NALF1: variants seen among roughly 807,000 people sequenced by gnomAD.
NALF1 encodes NALCN channel auxiliary factor 1.
NALF1 carries 3 observed loss-of-function variants against 48.4 expected under a neutral mutation model. That is an observed-to-expected ratio of 0.06 (90% CI 0.03 to 0.16). The LOEUF is 0.16. Ranked by LOEUF, NALF1 falls within the 10% of genes least tolerant of loss-of-function variation. NALF1 has a pLI of 1.00. For missense variants in NALF1, 526 were observed against 571.5 expected (o/e 0.92, Z 0.81); for synonymous variants, 262 against 245.7 (o/e 1.07, Z -0.62).
intron 1 of NALF1, among the ~76,000 whole-genome samples, chr13:107,838,830 G>C (rs923813108): frequency 6.6e-6 from 1 of 152,178 alleles, no homozygotes; most frequent in South Asian, 2.1e-4. Context: ...TGCAGAGTTC[G>C]GGGATGTTTT....
chr13:107,842,070 T>C (rs1369214241), intron 1 of NALF1, among the ~76,000 whole-genome samples: 1 of 152,036 alleles, frequency 6.6e-6, no homozygotes, highest in Admixed American at 6.6e-5. Flanking sequence ...AAAATTTGAT[T>C]CCATTTAGAA....
intron 1 of NALF1, among the ~76,000 whole-genome samples, chr13:107,326,375 T>C (rs1456945978): frequency 1.3e-5 from 2 of 152,126 alleles, no homozygotes; most frequent in Non-Finnish European, 2.9e-5. Context: ...CAGTCACAGG[T>C]ATTAGAGCGA....
chr13:107,211,862 C>CT (rs527771897), intron 1 of NALF1, among the ~76,000 whole-genome samples: 1 of 151,970 alleles, frequency 6.6e-6, no homozygotes, highest in Admixed American at 6.6e-5. Context: ...AAGCTGTAAA[C>CT]TTTTTTTTCC....
intron 2 of NALF1, 67 bp from the exon 3 acceptor site, chr13:107,170,853 T>C (rs1180324262): frequency 1.4e-6 from 2 of 1,463,148 alleles, no homozygotes; most frequent in African/African-American, 1.4e-5. Flanking sequence ...AGAGTGAAGC[T>C]GTTGCTTTAA....
chr13:107,726,133 A>C (rs1876142536), intron 1 of NALF1, among the ~76,000 whole-genome samples: 1 of 152,150 alleles, frequency 6.6e-6, no homozygotes, highest in Admixed American at 6.6e-5. Context: ...CTTAGTGATA[A>C]TTAATACAAA....
intron 2 of NALF1, among the ~76,000 whole-genome samples, chr13:107,202,104 T>G (rs1444582053): frequency 1.3e-5 from 2 of 152,186 alleles, no homozygotes; most frequent in African/African-American, 4.8e-5. Context: ...AACTTTTTAT[T>G]TTCAAGTTTT....
At chr13:107,328,643 C>T (rs551364020) in intron 1 of NALF1, among the ~76,000 whole-genome samples, 1 of 152,144 alleles carries the variant, frequency 6.6e-6, no homozygotes, top group Non-Finnish European at 1.5e-5. Context: ...ATGAATAGTA[C>T]AATGCCTCAA....
At chr13:107,432,310 C>T (rs1396816647) in intron 1 of NALF1, among the ~76,000 whole-genome samples, 3 of 152,184 alleles carry the variant, frequency 2.0e-5, no homozygotes, top group Non-Finnish European at 4.4e-5. Flanking sequence ...CCAGGCCCCA[C>T]CTGCAACCCT....
chr13:107,440,846 G>A (rs145101502), intron 1 of NALF1, among the ~76,000 whole-genome samples: 48 of 152,258 alleles, frequency 3.2e-4, no homozygotes, highest in African/African-American at 1.1e-3. Flanking sequence ...CTCCTTCAGA[G>A]ATGGCCTTAA....
chr13:107,823,990 T>C (rs1037446284), intron 1 of NALF1, among the ~76,000 whole-genome samples: 4 of 151,616 alleles, frequency 2.6e-5, no homozygotes, highest in Admixed American at 1.3e-4. Context: ...ATTATTATTA[T>C]TATTATTATT....
rs534662708 is a variant in NALF1 at position 107,838,127 on chromosome 13, T to C, written c.915+27555A>G. 2.5e-3 allele frequency among the ~76,000 whole-genome samples: 379 copies of C among 152,292 alleles called. 1 individual carries two copies. The highest frequency in any genetic ancestry group is 5.4e-3 in the South Asian group (26 of 4,826). On this transcript the variant is annotated intron_variant, in intron 1 of 2. Coordinates refer to ENST00000375915, the MANE Select transcript of NALF1 (RefSeq NM_001080396.3). ...GAATGGGCTTCTAAAGAGCCTGCCATGGACCCTTTCCACATCTACTAAGAA... is the reference window on the plus strand; with the variant it reads ...GAATGGGCTTCTAAAGAGCCTGCCACGGACCCTTTCCACATCTACTAAGAA...
At chr13:107,639,600 C>T (rs1442180378) in intron 1 of NALF1, among the ~76,000 whole-genome samples, 1 of 141,124 alleles carries the variant, frequency 7.1e-6, no homozygotes, top group Non-Finnish European at 1.6e-5. Flanking sequence ...TAGCCCCATA[C>T]CACTGTGTGT....
chr13:107,823,878 C>T (rs1879432027), intron 1 of NALF1, among the ~76,000 whole-genome samples: 1 of 152,052 alleles, frequency 6.6e-6, no homozygotes, highest in South Asian at 2.1e-4. Context: ...AATAGTAATG[C>T]TTACTGCATA....
At chr13:107,342,418 C>T (rs1355739315) in intron 1 of NALF1, among the ~76,000 whole-genome samples, 1 of 152,072 alleles carries the variant, frequency 6.6e-6, no homozygotes, top group African/African-American at 2.4e-5. Flanking sequence ...AAAAATGCCT[C>T]AGGATATCAA....
At chr13:107,726,123 C>T (rs1293109996) in intron 1 of NALF1, among the ~76,000 whole-genome samples, 1 of 152,102 alleles carries the variant, frequency 6.6e-6, no homozygotes, top group Non-Finnish European at 1.5e-5. Context: ...GTTATTCAGT[C>T]TTAGTGATAA....
intron 1 of NALF1, among the ~76,000 whole-genome samples, chr13:107,729,250 T>G (rs970949081): frequency 4.8e-4 from 73 of 152,134 alleles, no homozygotes; most frequent in Non-Finnish European, 1.2e-4. Context: ...CAAAACAATG[T>G]CTGCAAAATC....
intron 1 of NALF1, among the ~76,000 whole-genome samples, chr13:107,287,609 C>A: frequency 6.6e-6 from 1 of 152,030 alleles, no homozygotes; most frequent in Non-Finnish European, 1.5e-5. Flanking sequence ...TGTATCACCA[C>A]GCCTAGATGA....
intron 1 of NALF1, among the ~76,000 whole-genome samples, chr13:107,340,515 T>C (rs1882660069): frequency 1.4e-5 from 2 of 139,638 alleles, no homozygotes; most frequent in Admixed American, 1.5e-4. Context: ...CTTTTCTTTC[T>C]TTCTCTCTCT....
intron 1 of NALF1, among the ~76,000 whole-genome samples, chr13:107,451,694 C>T (rs1884742839): frequency 6.6e-6 from 1 of 152,194 alleles, no homozygotes; most frequent in South Asian, 2.1e-4. Flanking sequence ...CTTCTGTTCA[C>T]ATTTCTGCTC....
Sources: allele counts gnomAD v4.1 joint callset (sites outside exome capture counted in the v4.1 genomes callset), GRCh38; gene constraint gnomAD v4.1.1; transcripts MANE v1.5; gene names NCBI Gene and HGNC (gene_info 2026-07-23, HGNC 2026-07-21).